The following LRRC4C variants were observed in gnomAD, a reference collection of about 807,000 sequenced individuals.
The protein encoded by LRRC4C is leucine-rich repeat-containing protein 4C.
LRRC4C carries 5 observed loss-of-function variants against 33.6 expected under a neutral mutation model. That is an observed-to-expected ratio of 0.15 (90% confidence interval 0.08 to 0.31). The LOEUF (loss-of-function observed/expected upper bound fraction) is 0.31. Among genes scored for constraint, LRRC4C ranks in the 10% least tolerant of loss-of-function variants. The pLI, the probability that LRRC4C is intolerant of heterozygous loss-of-function variation, is 1.00. For synonymous variants in LRRC4C, 329 were observed against 302.0 expected, an observed-to-expected ratio of 1.09 and a Z score of -0.93; for missense variants, 560 against 796.7, an observed-to-expected ratio of 0.70 and a Z score of 3.58.
At chr11:40,347,959 C>T (rs1474999825) in intron 3 of LRRC4C, among the ~76,000 whole-genome samples, 1 of 152,120 alleles carries the variant, frequency 6.6e-6, no homozygotes, top group Non-Finnish European at 1.5e-5. Flanking sequence ...GGCCTAGTTT[C>T]AATACTGTTG....
At chr11:41,250,747 CT>C (rs1266879721) in intron 1 of LRRC4C, among the ~76,000 whole-genome samples, 1 of 152,176 alleles carries the variant, frequency 6.6e-6, no homozygotes, top group Non-Finnish European at 1.5e-5. Context: ...ATTAATGGCT[CT>C]GCTAAATTGA....
At chr11:41,236,019 T>A (rs1026897501) in intron 1 of LRRC4C, among the ~76,000 whole-genome samples, 1 of 152,092 alleles carries the variant, frequency 6.6e-6, no homozygotes, top group African/African-American at 2.4e-5. Context: ...GGCTATGGAA[T>A]TAAGTTCCAA....
intron 3 of LRRC4C, among the ~76,000 whole-genome samples, chr11:40,418,330 ATT>A: frequency 6.6e-6 from 1 of 152,360 alleles, no homozygotes; most frequent in Non-Finnish European, 1.5e-5. Context: ...AAAAGAAGAC[ATT>A]TATGCACCCA....
At chr11:40,165,559 G>A (rs1221814615) in intron 5 of LRRC4C, among the ~76,000 whole-genome samples, 1 of 152,180 alleles carries the variant, frequency 6.6e-6, no homozygotes, top group Non-Finnish European at 1.5e-5. Context: ...CTGCAATCTG[G>A]TTTTAGTTCT....
At chr11:40,136,937 G>T (rs944564331) in intron 6 of LRRC4C, among the ~76,000 whole-genome samples, 3 of 152,136 alleles carry the variant, frequency 2.0e-5, no homozygotes, top group African/African-American at 7.2e-5. Flanking sequence ...AGTAGCTTAA[G>T]ATTCTTCCAA....
intron 1 of LRRC4C, among the ~76,000 whole-genome samples, chr11:41,125,166 G>A (rs752194919): frequency 4.1e-4 from 63 of 152,114 alleles, no homozygotes; most frequent in Non-Finnish European, 1.6e-4. Flanking sequence ...AAGACCATCT[G>A]TCTCCAGACA....
At chr11:41,288,005 A>T (rs1949882540) in intron 1 of LRRC4C, among the ~76,000 whole-genome samples, 1 of 152,202 alleles carries the variant, frequency 6.6e-6, no homozygotes, top group Admixed American at 6.5e-5. Flanking sequence ...GGTTCAGGAC[A>T]TATCCTAGGC....
intron 3 of LRRC4C, among the ~76,000 whole-genome samples, chr11:40,337,735 C>G (rs1946692148): frequency 6.6e-6 from 1 of 152,142 alleles, no homozygotes; most frequent in South Asian, 2.1e-4. Flanking sequence ...CATAGGTAAA[C>G]TTGTGTCATA....
Position 40,372,802 on chromosome 11 carries a change from T to C in LRRC4C, c.-269-53081A>G, listed in dbSNP as rs1043670243. Among the ~76,000 whole-genome samples, 4 of 152,222 alleles carry C rather than the reference T, an allele frequency of 2.6e-5. No individual in the cohort carries two copies. In the East Asian group the frequency reaches 7.7e-4, roughly 29 times the overall value. The stretch of plus-strand genomic sequence containing the variant: ...GTCATTAGGCCTAGTCTCCAAACAT[T>C]GCTGACCTTCTGGCCACATGGTGGA... On this transcript the variant is annotated intron_variant, in intron 3 of 6. Transcript: ENST00000528697.
intron 2 of LRRC4C, among the ~76,000 whole-genome samples, chr11:40,686,740 A>G (rs1040110465): frequency 5.9e-5 from 9 of 152,148 alleles, no homozygotes; most frequent in Non-Finnish European, 1.2e-4. Flanking sequence ...TTATATTAAG[A>G]GTTTGAGAAA....
At chr11:41,003,422 G>A (rs1005012539) in intron 1 of LRRC4C, among the ~76,000 whole-genome samples, 3 of 152,072 alleles carry the variant, frequency 2.0e-5, no homozygotes, top group African/African-American at 7.2e-5. Flanking sequence ...GGAAATAAAG[G>A]ACATTCAGAC....
chr11:40,611,318 A>C (rs1961193634), intron 3 of LRRC4C, among the ~76,000 whole-genome samples: 1 of 151,940 alleles, frequency 6.6e-6, no homozygotes, highest in Non-Finnish European at 1.5e-5. Flanking sequence ...GAATATCCAC[A>C]AAAGAGTGAA....
chr11:40,807,486 T>C (rs1437429201), intron 2 of LRRC4C, among the ~76,000 whole-genome samples: 2 of 137,674 alleles, frequency 1.5e-5, no homozygotes, highest in Non-Finnish European at 3.0e-5. Flanking sequence ...TACTCCAACA[T>C]TGACCTTGTT....
In LRRC4C at chr11:40,194,390, A is replaced by G. The variant is rs150867109; in HGVS notation, c.-96+47129T>C. ...GAAGGAGAAATAAAATCTTTTCCAG[A>G]CAAGCAAATGCTGAGGAATTTTATT... is the stretch of plus-strand genomic sequence containing the variant. On this transcript the variant is annotated intron_variant, in intron 5 of 6. Coordinates refer to ENST00000528697, the MANE Select transcript of LRRC4C (RefSeq NM_001258419.2). Among the ~76,000 whole-genome samples the G allele has an allele frequency of 1.1e-3, 167 of 152,330 alleles. 5 individuals carry two copies. The East Asian group carries it at 0.027, about 25-fold the overall frequency.
At chr11:40,152,746 T>G (rs1182293678) in intron 5 of LRRC4C, among the ~76,000 whole-genome samples, 1 of 152,096 alleles carries the variant, frequency 6.6e-6, no homozygotes, top group Non-Finnish European at 1.5e-5. Flanking sequence ...TCCAGTGACC[T>G]GGGAATCTCA....
chr11:41,140,141 C>A (rs1386219315), intron 1 of LRRC4C, among the ~76,000 whole-genome samples: 1 of 152,090 alleles, frequency 6.6e-6, no homozygotes, highest in Non-Finnish European at 1.5e-5. Flanking sequence ...AAACTTATTA[C>A]CCTCACTTAG....
intron 3 of LRRC4C, among the ~76,000 whole-genome samples, chr11:40,548,071 G>A (rs917892371): frequency 1.1e-4 from 16 of 152,044 alleles, no homozygotes; most frequent in Admixed American, 8.5e-4. Flanking sequence ...GGATCAAAGC[G>A]GGAAAGAAGG....
rs114842069 is a variant in LRRC4C, at chr11:40,804,963, A to G, written c.-407+128672T>C. Among the ~76,000 whole-genome samples the G allele has an allele frequency of 5.7e-3, 862 of 152,252 alleles. 9 individuals carry two copies. The highest frequency in any genetic ancestry group is 0.019 in the African/African-American group (806 of 41,548). ...CATTGATTCCTAAATGGATCTTTGG[A>G]GTGTACATTTCTTGGCTTGGCCACC... On this transcript the variant is annotated intron_variant, in intron 2 of 6. Transcript: ENST00000528697.
intron 3 of LRRC4C, among the ~76,000 whole-genome samples, chr11:40,528,228 C>T (rs916687917): frequency 1.4e-4 from 22 of 152,088 alleles, no homozygotes; most frequent in African/African-American, 5.1e-4. Flanking sequence ...AAACAATCCA[C>T]AGAACAAAAA....
Sources: allele counts gnomAD v4.1 joint callset (sites outside exome capture counted in the v4.1 genomes callset), GRCh38; gene constraint gnomAD v4.1.1; transcripts MANE v1.5; gene names NCBI Gene and HGNC (gene_info 2026-07-23, HGNC 2026-07-21).